The following SPIDR variants were observed in gnomAD, a reference collection of about 807,000 sequenced individuals.
SPIDR encodes the protein DNA repair-scaffolding protein.
SPIDR carries 93 observed loss-of-function variants against 104.6 expected under a neutral mutation model. The observed-to-expected ratio is 0.89, with a 90% CI of 0.75 to 1.06. SPIDR has a LOEUF of 1.06. Among genes scored for constraint, SPIDR ranks in the 50% least tolerant of loss-of-function variants. The pLI, the probability that SPIDR is intolerant of heterozygous loss-of-function variation, is 0.00. For missense variants in SPIDR, 1,154 were observed against 1,111.2 expected, an observed-to-expected ratio of 1.04 and a Z score of -0.55; for synonymous variants, 431 against 416.9, an observed-to-expected ratio of 1.03 and a Z score of -0.41.
At chr8:47,497,012 G>A (rs962206956) in intron 8 of SPIDR, among the ~76,000 whole-genome samples, 1 of 151,792 alleles carries the variant, frequency 6.6e-6, no homozygotes, top group Non-Finnish European at 1.5e-5. Context: ...TTTCCTTTTA[G>A]TGTGCTATAG....
intron 8 of SPIDR, among the ~76,000 whole-genome samples, chr8:47,590,480 A>G (rs1173999180): frequency 3.3e-5 from 5 of 152,122 alleles, no homozygotes; most frequent in African/African-American, 7.2e-5. Context: ...GGAGAATTTC[A>G]TGTTATCATT....
chr8:47,382,267 G>T (rs1227019420), intron 5 of SPIDR, among the ~76,000 whole-genome samples: 1 of 152,160 alleles, frequency 6.6e-6, no homozygotes, highest in Non-Finnish European at 1.5e-5. Context: ...TTCAAGGGTA[G>T]CACTTCAGGT....
At chr8:47,510,847 A>G (rs2082207474) in intron 8 of SPIDR, among the ~76,000 whole-genome samples, 1 of 152,214 alleles carries the variant, frequency 6.6e-6, no homozygotes, top group South Asian at 2.1e-4. Context: ...GATCATCACA[A>G]AAACCCAGGA....
intron 7 of SPIDR, among the ~76,000 whole-genome samples, chr8:47,429,061 C>G (rs1331916200): frequency 1.3e-5 from 2 of 152,158 alleles, no homozygotes; most frequent in African/African-American, 4.8e-5. Flanking sequence ...CTATTCAAGT[C>G]AGGAAACAAA....
chr8:47,631,545 A>G (rs897244340), intron 10 of SPIDR, among the ~76,000 whole-genome samples: 1 of 152,252 alleles, frequency 6.6e-6, no homozygotes, highest in Non-Finnish European at 1.5e-5. Flanking sequence ...ATTCATCACA[A>G]TAAATTTATC....
chr8:47,422,303 C>A (rs1554681453), intron 7 of SPIDR, among the ~76,000 whole-genome samples: 1 of 152,152 alleles, frequency 6.6e-6, no homozygotes, highest in East Asian at 1.9e-4. Flanking sequence ...CAAGCCTCAG[C>A]AATGGCGGGC....
intron 1 of SPIDR, among the ~76,000 whole-genome samples, chr8:47,261,973 T>G (rs760236201): frequency 6.6e-6 from 1 of 152,246 alleles, no homozygotes; most frequent in Non-Finnish European, 1.5e-5. Flanking sequence ...TTTGACACAT[T>G]CACCACCTGC....
At chr8:47,634,462 T>G (rs112156008) in intron 10 of SPIDR, among the ~76,000 whole-genome samples, 1 of 144,432 alleles carries the variant, frequency 6.9e-6, no homozygotes, top group Admixed American at 6.9e-5. Context: ...AAAAACAAAT[T>G]AAAAAAAAAA....
At chr8:47,376,585 C>G (rs1054937236) in intron 5 of SPIDR, among the ~76,000 whole-genome samples, 29 of 152,108 alleles carry the variant, frequency 1.9e-4, no homozygotes, top group Admixed American at 1.8e-3. Context: ...CTGGAATATC[C>G]CAGTGCCAGT....
intron 8 of SPIDR, among the ~76,000 whole-genome samples, chr8:47,495,867 A>G (rs1443983116): frequency 6.6e-6 from 1 of 152,068 alleles, no homozygotes; most frequent in Non-Finnish European, 1.5e-5. Flanking sequence ...ATTCTTTCCC[A>G]TTGATTTATA....
chr8:47,685,513 A>ATTT (rs376980650), intron 11 of SPIDR, among the ~76,000 whole-genome samples: 1,326 of 120,994 alleles, frequency 0.011, 66 homozygotes, highest in Non-Finnish European at 0.016. Context: ...TTATTTATTT[A>ATTT]TTTATTTTTT....
At chr8:47,373,496 T>G (rs2058295571) in intron 5 of SPIDR, among the ~76,000 whole-genome samples, 1 of 152,142 alleles carries the variant, frequency 6.6e-6, no homozygotes, top group Non-Finnish European at 1.5e-5. Context: ...TTTTTTCTTT[T>G]TTTTTTAATT....
chr8:47,400,605 T>C (rs2061746256), intron 6 of SPIDR, among the ~76,000 whole-genome samples: 1 of 152,050 alleles, frequency 6.6e-6, no homozygotes, highest in South Asian at 2.1e-4. Flanking sequence ...ATGGAGCACA[T>C]TGGCCCTTCT....
At chr8:47,574,203 A>T (rs1460702147) in intron 8 of SPIDR, among the ~76,000 whole-genome samples, 2 of 152,152 alleles carry the variant, frequency 1.3e-5, no homozygotes, top group African/African-American at 2.4e-5. Context: ...TCTTGTGGTC[A>T]TTGTCTTCCA....
intron 10 of SPIDR, among the ~76,000 whole-genome samples, chr8:47,646,864 GTTAT>G (rs1563413032): frequency 6.6e-6 from 1 of 152,096 alleles, no homozygotes; most frequent in Admixed American, 6.6e-5. Flanking sequence ...TTTATATATA[GTTAT>G]TTATCTTGAA....
Position 47,735,682 on chromosome 8 carries a change from A to T in SPIDR, c.*232A>T, listed in dbSNP as rs749043256. On this transcript the variant is annotated 3_prime_UTR_variant, in exon 20 of 20. Coordinates refer to ENST00000297423, the MANE Select transcript of SPIDR (RefSeq NM_001080394.4). ...TTTCTGCAAATTTAGGAACATATTT[A>T]CTCGTTTTCACATTGAATCTTAAGT... is the stretch of plus-strand genomic sequence containing the variant. The T allele has an allele frequency of 7.8e-6, 7 of 901,422 alleles. No homozygotes were observed. Among genetic ancestry groups the T allele is most frequent in the Non-Finnish European group, 1.1e-5 (7 of 619,260 alleles). The allele number at this position is 901,422 out of a possible 1,614,324, so 55.8% of individuals were successfully genotyped here. A position where few individuals can be genotyped will look rare whatever the true frequency, so the allele number is the denominator to read the frequency against.
chr8:47,282,478 A>G (rs2037984190), intron 2 of SPIDR, among the ~76,000 whole-genome samples: 1 of 152,226 alleles, frequency 6.6e-6, no homozygotes. Context: ...CTTTTATGTT[A>G]TGGAGATGAT....
intron 5 of SPIDR, chr8:47,388,554 AACTTCC>A (rs1443602045): frequency 3.2e-5 from 5 of 154,174 alleles, no homozygotes; most frequent in Non-Finnish European, 7.3e-5. Flanking sequence ...AGTGTAGCTT[AACTTCC>A]ACTTCCCAGA....
chr8:47,701,680 TAACAA>T (rs763482752), intron 12 of SPIDR, 36 bp from the exon 13 acceptor site: 20 of 1,594,594 alleles, frequency 1.3e-5, no homozygotes, highest in Non-Finnish European at 1.7e-6. Context: ...TTGAGTCTTT[TAACAA>T]TACATTCACC....
Sources: gnomAD v4.1 joint callset for allele counts (sites outside exome capture counted in the v4.1 genomes callset) on GRCh38, gnomAD v4.1.1 for gene constraint, MANE v1.5 for transcripts, NCBI Gene and HGNC (gene_info 2026-07-23, HGNC 2026-07-21) for gene names.